AKAP6: variants seen among roughly 807,000 people sequenced by gnomAD.
AKAP6 encodes A-kinase anchoring protein 6.
In AKAP6, 58 loss-of-function variants were observed where a neutral mutation model predicts 188.5. The observed-to-expected ratio is 0.31, with a 90% CI of 0.25 to 0.38. AKAP6 has a LOEUF of 0.38. Among genes scored for constraint, AKAP6 ranks in the 10% least tolerant of loss-of-function variants. The pLI, the probability that AKAP6 is intolerant of heterozygous loss-of-function variation, is 1.00. For synonymous variants in AKAP6, 989 were observed against 998.6 expected, an observed-to-expected ratio of 0.99 and a Z score of 0.18; for missense variants, 2,710 against 2,740.0, an observed-to-expected ratio of 0.99 and a Z score of 0.24.
At position 32,823,304 on chromosome 14, in the gene AKAP6, A is replaced by G. The variant is rs1237452114; in HGVS notation, c.5491A>G (p.Ile1831Val). ...VSDEMKGSKD[I>V]SSSEMTNPSD... ...TGATGAGATGAAGGGCAGTAAAGAT[A>G]TAAGTAGCAGTGAGATGACCAATCC... Residue 1831 changes from isoleucine to valine, a missense_variant, in exon 13 of 14, where the codon ATA becomes GTA. Physicochemically the swap from Ile to Val is conservative, Grantham distance 29. Transcript: ENST00000280979. The G allele has an allele frequency of 1.9e-6, 3 of 1,613,790 alleles. No individual in the cohort carries two copies. The highest frequency in any genetic ancestry group is 2.7e-5 in the African/African-American group (2 of 74,894).
rs77970922 is a variant in AKAP6, at chr14:32,587,656, C to T, written c.2469+10414C>T. On this transcript the variant is annotated intron_variant, in intron 5 of 13. Coordinates refer to ENST00000280979, the MANE Select transcript of AKAP6 (RefSeq NM_004274.5). ...GAACAGATTAGAGAGACATGCCAGC[C>T]GTTCTCTTTTTGAGGCTCACTCTTT... 4.7e-4 allele frequency among the ~76,000 whole-genome samples: 71 copies of T among 152,206 alleles called. 1 individual carries two copies. In the East Asian group the frequency reaches 0.013, roughly 28 times the overall value.
At chr14:32,444,941 C>A (rs1462130151) in intron 2 of AKAP6, among the ~76,000 whole-genome samples, 2 of 152,192 alleles carry the variant, frequency 1.3e-5, no homozygotes, top group African/African-American at 4.8e-5. Flanking sequence ...ATTCTTGAGT[C>A]CTTCGAGTAA....
chr14:32,454,074 C>T (rs535001024), intron 2 of AKAP6, among the ~76,000 whole-genome samples: 2 of 152,188 alleles, frequency 1.3e-5, no homozygotes, highest in South Asian at 2.1e-4. Context: ...ACCATGAGTA[C>T]GGATGGCCTC....
At chr14:32,584,979 A>G (rs548809859) in intron 5 of AKAP6, among the ~76,000 whole-genome samples, 68 of 152,260 alleles carry the variant, frequency 4.5e-4, no homozygotes, top group African/African-American at 1.6e-3. Flanking sequence ...GAGTAGAAGC[A>G]TAATAAATAG....
At chr14:32,619,865 TC>T (rs1454786195) in intron 7 of AKAP6, among the ~76,000 whole-genome samples, 2 of 152,194 alleles carry the variant, frequency 1.3e-5, no homozygotes, top group Admixed American at 1.3e-4. Context: ...GTTTTGTAGT[TC>T]TCCTTGTAGA....
chr14:32,433,999 T>C (rs1189194736), intron 2 of AKAP6, 182 bp downstream of exon 2: 3 of 617,900 alleles, frequency 4.9e-6, no homozygotes, highest in Admixed American at 3.0e-5. Flanking sequence ...TTTTACTACA[T>C]GTGCTGATTA....
chr14:32,458,956 G>A (rs1254423630), intron 2 of AKAP6, among the ~76,000 whole-genome samples: 6 of 152,242 alleles, frequency 3.9e-5, no homozygotes, highest in Admixed American at 3.3e-4. Flanking sequence ...AAAGACATTC[G>A]TAATAGCCCC....
rs1470759074 is a variant in AKAP6, at chr14:32,433,598, G to A, written c.105G>A (p.Glu35=). The change falls in exon 2 of 14, where the codon GAG becomes GAA. Residue 35 remains glutamate (E), a synonymous_variant. Coordinates refer to ENST00000280979, the MANE Select transcript of AKAP6 (RefSeq NM_004274.5). The stretch of plus-strand genomic sequence containing the variant: ...CCATCAACATGACACCCACTGTGGA[G>A]CAGGGTGAGGGAGAAGAGGCAATGA... ...PMAINMTPTV[E]QGEGEEAMKD... The A allele has an allele frequency of 1.9e-6, 3 of 1,614,164 alleles. No individual in the cohort carries two copies. In the Admixed American group the frequency reaches 5.0e-5, roughly 27 times the overall value.
chr14:32,398,862 T>G (rs903972057), intron 1 of AKAP6, among the ~76,000 whole-genome samples: 3 of 144,016 alleles, frequency 2.1e-5, no homozygotes, highest in African/African-American at 5.2e-5. Context: ...TTTTTTTTTT[T>G]TTTTTTTTTG....
chr14:32,801,318 A>C (rs1487699045), intron 12 of AKAP6, among the ~76,000 whole-genome samples: 1 of 151,962 alleles, frequency 6.6e-6, no homozygotes, highest in Non-Finnish European at 1.5e-5. Flanking sequence ...AAAAATTTAG[A>C]GGTTATCCTA....
chr14:32,588,233 C>G (rs1885336795), intron 5 of AKAP6, among the ~76,000 whole-genome samples: 1 of 152,138 alleles, frequency 6.6e-6, no homozygotes, highest in African/African-American at 2.4e-5. Context: ...CTAAATATGT[C>G]ACAGATATTC....
chr14:32,499,598 A>G (rs1381801213), intron 2 of AKAP6, among the ~76,000 whole-genome samples: 4 of 151,986 alleles, frequency 2.6e-5, no homozygotes, highest in African/African-American at 4.8e-5. Context: ...GTTGCTCAGA[A>G]TAGAACTTGG....
chr14:32,601,648 T>C (rs1343629393), intron 7 of AKAP6, among the ~76,000 whole-genome samples: 1 of 152,162 alleles, frequency 6.6e-6, no homozygotes, highest in African/African-American at 2.4e-5. Flanking sequence ...TATTGTAACA[T>C]GGGGGAAACA....
intron 7 of AKAP6, among the ~76,000 whole-genome samples, chr14:32,619,879 T>C (rs374822994): frequency 1.3e-5 from 2 of 152,188 alleles, no homozygotes; most frequent in East Asian, 3.8e-4. Context: ...CTTGTAGAGA[T>C]TTTTCACCTC....
At chr14:32,527,031 T>C (rs1882165281) in intron 2 of AKAP6, among the ~76,000 whole-genome samples, 1 of 152,226 alleles carries the variant, frequency 6.6e-6, no homozygotes, top group South Asian at 2.1e-4. Context: ...TCTATAGATT[T>C]TGAGGAATAT....
chr14:32,510,709 A>G (rs908031445), intron 2 of AKAP6, among the ~76,000 whole-genome samples: 3 of 151,876 alleles, frequency 2.0e-5, no homozygotes, highest in Non-Finnish European at 4.4e-5. Context: ...ATGCTATTAT[A>G]ATTTGGTACT....
intron 7 of AKAP6, among the ~76,000 whole-genome samples, chr14:32,638,200 A>C (rs1308763239): frequency 6.6e-6 from 1 of 152,016 alleles, no homozygotes; most frequent in African/African-American, 2.4e-5. Flanking sequence ...TGGGAGCACT[A>C]CTTGGGTGAG....
intron 11 of AKAP6, among the ~76,000 whole-genome samples, chr14:32,771,941 G>A (rs1387583241): frequency 1.3e-5 from 2 of 152,096 alleles, no homozygotes; most frequent in African/African-American, 2.4e-5. Flanking sequence ...TTATCTTGAA[G>A]TGTTTAATAT....
chr14:32,628,687 T>G (rs1344457858), intron 7 of AKAP6, among the ~76,000 whole-genome samples: 1 of 151,112 alleles, frequency 6.6e-6, no homozygotes, highest in African/African-American at 2.5e-5. Flanking sequence ...CTTTCCTCCC[T>G]TTTTCTCTTC....
Sources: allele counts gnomAD v4.1 joint callset (sites outside exome capture counted in the v4.1 genomes callset), GRCh38; gene constraint gnomAD v4.1.1; transcripts MANE v1.5; gene names NCBI Gene and HGNC (gene_info 2026-07-23, HGNC 2026-07-21).